Variants in ENTREP2 observed in about 807,000 individuals in gnomAD.
The protein encoded by ENTREP2 is protein ENTREP2.
chr15:29,508,071 C>T, the ENTREP2 span, among the ~76,000 whole-genome samples: 3 of 152,082 alleles, frequency 2.0e-5, no homozygotes, highest in African/African-American at 7.2e-5. Context: ...GGGGAGATTA[C>T]CACTGACCCC....
the ENTREP2 span, chr15:29,269,372 G>A: frequency 6.2e-7 from 1 of 1,614,212 alleles, no homozygotes; most frequent in Non-Finnish European, 8.5e-7. Flanking sequence ...ACGTGCTTCA[G>A]TATGTCGGCC....
chr15:29,651,352 A>C, the ENTREP2 span, among the ~76,000 whole-genome samples: 1 of 152,220 alleles, frequency 6.6e-6, no homozygotes, highest in Admixed American at 6.5e-5. Context: ...AAAGACACCA[A>C]TTGGAAATAT....
At chr15:29,565,592 CATTAA>C in the ENTREP2 span, among the ~76,000 whole-genome samples, 1 of 152,154 alleles carries the variant, frequency 6.6e-6, no homozygotes, top group Non-Finnish European at 1.5e-5. Flanking sequence ...ATTCGTTATA[CATTAA>C]ATTTTTAAAA....
chr15:29,565,780 G>A, the ENTREP2 span, among the ~76,000 whole-genome samples: 130 of 152,106 alleles, frequency 8.5e-4, no homozygotes, highest in Middle Eastern at 3.4e-3. Flanking sequence ...TGGCTAACAC[G>A]GGGAAACCCC....
chr15:29,171,780 A>C, the ENTREP2 span, among the ~76,000 whole-genome samples: 2 of 152,188 alleles, frequency 1.3e-5, no homozygotes, highest in Non-Finnish European at 2.9e-5. Flanking sequence ...ACCATACATG[A>C]AAAAAGAAAA....
chr15:29,518,557 G>A, the ENTREP2 span, among the ~76,000 whole-genome samples: 1 of 152,168 alleles, frequency 6.6e-6, no homozygotes, highest in Non-Finnish European at 1.5e-5. Flanking sequence ...ACCCAGGACA[G>A]TCCTTCTGGA....
chr15:29,663,581 G>C, the ENTREP2 span, among the ~76,000 whole-genome samples: 342 of 152,248 alleles, frequency 2.2e-3, 2 homozygotes, highest in African/African-American at 7.8e-3. Flanking sequence ...GATGAAGCTG[G>C]AAACCATCAT....
the ENTREP2 span, among the ~76,000 whole-genome samples, chr15:29,366,155 C>T: frequency 6.6e-6 from 1 of 152,168 alleles, no homozygotes; most frequent in Non-Finnish European, 1.5e-5. Context: ...TTCACTGCAA[C>T]CTCCGCCTCC....
the ENTREP2 span, among the ~76,000 whole-genome samples, chr15:29,275,379 T>C: frequency 6.6e-6 from 1 of 152,372 alleles, no homozygotes; most frequent in South Asian, 2.1e-4. Flanking sequence ...AAAGTGACAC[T>C]ATGCCATAGC....
chr15:29,628,977 T>C, the ENTREP2 span, among the ~76,000 whole-genome samples: 5 of 152,308 alleles, frequency 3.3e-5, no homozygotes, highest in East Asian at 9.7e-4. Context: ...CTTGAACTCC[T>C]GACCTCAAGT....
At chr15:29,666,806 AG>A in the ENTREP2 span, among the ~76,000 whole-genome samples, 6 of 152,208 alleles carry the variant, frequency 3.9e-5, no homozygotes, top group Non-Finnish European at 1.5e-5. Flanking sequence ...CATAAACAAT[AG>A]AAATGTAGTC....
the ENTREP2 span, among the ~76,000 whole-genome samples, chr15:29,125,274 T>C: frequency 1.3e-5 from 2 of 152,052 alleles, no homozygotes; most frequent in Admixed American, 1.3e-4. Flanking sequence ...TGGAGAGAGG[T>C]TCCGGAGCTC....
At chr15:29,354,557 G>T in the ENTREP2 span, among the ~76,000 whole-genome samples, 3 of 152,186 alleles carry the variant, frequency 2.0e-5, no homozygotes, top group African/African-American at 7.2e-5. Context: ...GGGATCGGGG[G>T]TGGGAGAGGG....
At chr15:29,423,510 C>T in the ENTREP2 span, among the ~76,000 whole-genome samples, 4 of 151,566 alleles carry the variant, frequency 2.6e-5, no homozygotes, top group East Asian at 1.9e-4. Flanking sequence ...TTATTTGGGC[C>T]GGCGCGGTGG....
At chr15:29,302,763 C>T in the ENTREP2 span, among the ~76,000 whole-genome samples, 1 of 152,138 alleles carries the variant, frequency 6.6e-6, no homozygotes, top group Admixed American at 6.6e-5. Flanking sequence ...ATTTGCAAGG[C>T]GTGTCAATTT....
At chr15:29,551,824 G>A in the ENTREP2 span, among the ~76,000 whole-genome samples, 1 of 152,214 alleles carries the variant, frequency 6.6e-6, no homozygotes, top group African/African-American at 2.4e-5. Flanking sequence ...GGAGAAGCAA[G>A]TAAACAAAAC....
the ENTREP2 span, among the ~76,000 whole-genome samples, chr15:29,530,145 C>T: frequency 1.4e-4 from 22 of 152,038 alleles, no homozygotes; most frequent in Non-Finnish European, 2.8e-4. Context: ...GGGGAGGGGA[C>T]GCTCCAGAAA....
chr15:29,489,341 G>A, the ENTREP2 span, among the ~76,000 whole-genome samples: 1 of 152,146 alleles, frequency 6.6e-6, no homozygotes, highest in Non-Finnish European at 1.5e-5. Context: ...ATGTAATATA[G>A]ACTAAACCAT....
the ENTREP2 span, chr15:29,137,006 G>A: frequency 1.2e-5 from 17 of 1,407,022 alleles, no homozygotes; most frequent in Non-Finnish European, 1.6e-5. Context: ...TAGTGGTTTC[G>A]AGATGGGGGC....
Sources: allele counts gnomAD v4.1 joint callset (sites outside exome capture counted in the v4.1 genomes callset), GRCh38; gene constraint gnomAD v4.1.1; transcripts MANE v1.5; gene names NCBI Gene and HGNC (gene_info 2026-07-23, HGNC 2026-07-21).